PCDHA1: variants seen among roughly 807,000 people sequenced by gnomAD.
PCDHA1 encodes the protein protocadherin alpha 1.
A neutral mutation model predicts 61.3 loss-of-function variants in PCDHA1; 42 were observed. That is an observed-to-expected ratio of 0.69 (90% confidence interval 0.54 to 0.89). The LOEUF (loss-of-function observed/expected upper bound fraction) is 0.89, where lower values mean the gene tolerates loss of function less well. Ranked by LOEUF, PCDHA1 falls within the 40% of genes least tolerant of loss-of-function variation. The pLI, the probability that PCDHA1 is intolerant of heterozygous loss-of-function variation, is 0.00. For missense variants in PCDHA1, 1,256 were observed against 1,235.3 expected (o/e 1.02, Z -0.25); for synonymous variants, 610 against 553.8 (o/e 1.10, Z -1.43).
chr5:140,928,226 T>G, intron 1 of PCDHA1: 1 of 1,614,178 alleles, frequency 6.2e-7, no homozygotes, highest in African/African-American at 1.3e-5. Context: ...ACACCAAACT[T>G]TCCTCAACCC....
At chr5:140,836,325 C>G in intron 1 of PCDHA1, 18 of 1,613,750 alleles carry the variant, frequency 1.1e-5, no homozygotes, top group Non-Finnish European at 1.4e-5. Context: ...CCACCGCCTT[C>G]TGGTGCTTGT....
At chr5:140,927,399 TC>T (rs781939330) in intron 1 of PCDHA1, 1 of 1,614,076 alleles carries the variant, frequency 6.2e-7, no homozygotes. Context: ...GTCAGCACTT[TC>T]GCCTGGACAT....
At chr5:140,800,313 G>A (rs1554121108) in intron 1 of PCDHA1, among the ~76,000 whole-genome samples, 1 of 152,092 alleles carries the variant, frequency 6.6e-6, no homozygotes, top group African/African-American at 2.4e-5. Context: ...CTTTATGTAA[G>A]TTACAGTCAA....
chr5:140,854,113 G>A (rs2042980116), intron 1 of PCDHA1: 1 of 316,648 alleles, frequency 3.2e-6, no homozygotes, highest in African/African-American at 2.4e-5. Flanking sequence ...AGTGAACTGT[G>A]ATGGCACAAC....
chr5:140,850,556 G>A (rs1554144496), intron 1 of PCDHA1: 1 of 1,598,290 alleles, frequency 6.3e-7, no homozygotes. Flanking sequence ...TGGGTGCCAC[G>A]GGCCCCGAGG....
At chr5:140,981,457 C>T (rs910127197) in intron 2 of PCDHA1, among the ~76,000 whole-genome samples, 6 of 152,064 alleles carry the variant, frequency 3.9e-5, no homozygotes, top group African/African-American at 7.2e-5. Context: ...GCCTGTAGTC[C>T]CAGCTACTTG....
chr5:140,971,295 G>C (rs2096467939), intron 1 of PCDHA1, among the ~76,000 whole-genome samples: 2 of 152,232 alleles, frequency 1.3e-5, no homozygotes, highest in South Asian at 4.1e-4. Flanking sequence ...TATGTACTTT[G>C]GTACACAAAC....
chr5:140,851,444 A>G (rs1182271875), intron 1 of PCDHA1: 1 of 917,790 alleles, frequency 1.1e-6, no homozygotes, highest in Non-Finnish European at 1.3e-6. Context: ...CAGTTGCTCC[A>G]CTTTAGGAAT....
chr5:140,849,028 T>G lies in PCDHA1; in HGVS notation c.2394+60344T>G, dbSNP rs2040749628. 5.1e-6 allele frequency: 8 copies of G among 1,583,910 alleles called. No homozygotes were observed. The highest frequency in any genetic ancestry group is 1.4e-5 in the African/African-American group (1 of 70,832). Reference sequence around the variant, plus strand: ...TACAGACTGAGCCCCAATGAGTATTTCTTCCTGGACGTGCCAACCAGCAAC... The same window carrying G: ...TACAGACTGAGCCCCAATGAGTATTGCTTCCTGGACGTGCCAACCAGCAAC... On this transcript the variant is annotated intron_variant, in intron 1 of 3. Transcript: ENST00000504120.
intron 1 of PCDHA1, among the ~76,000 whole-genome samples, chr5:140,894,001 G>A (rs2064275871): frequency 6.6e-6 from 1 of 152,098 alleles, no homozygotes; most frequent in African/African-American, 2.4e-5. Context: ...CAATTGTATG[G>A]TTGGTTCAAA....
chr5:140,822,433 G>A (rs1489857640), intron 1 of PCDHA1: 3 of 1,613,932 alleles, frequency 1.9e-6, no homozygotes, highest in Admixed American at 1.7e-5. Flanking sequence ...AGGAAAACCC[G>A]AACTAACAGG....
At chr5:140,850,679 C>A in intron 1 of PCDHA1, 1 of 1,598,496 alleles carries the variant, frequency 6.3e-7, no homozygotes, top group Non-Finnish European at 8.6e-7. Flanking sequence ...CGATGCCCAC[C>A]GAGGGCGAGT....
intron 1 of PCDHA1, chr5:140,863,197 C>A: frequency 1.1e-6 from 1 of 888,970 alleles, no homozygotes; most frequent in Non-Finnish European, 1.8e-6. Flanking sequence ...GGTGGCGTCG[C>A]TGGCGGAGAG....
chr5:140,821,944 G>A, intron 1 of PCDHA1: 2 of 1,614,180 alleles, frequency 1.2e-6, no homozygotes, highest in South Asian at 1.1e-5. Flanking sequence ...GGAGCTGGCG[G>A]AGCTGGTGCC....
chr5:140,889,232 C>T (rs1365146997), intron 1 of PCDHA1, among the ~76,000 whole-genome samples: 6 of 151,736 alleles, frequency 4.0e-5, no homozygotes, highest in African/African-American at 1.4e-4. Context: ...TTGAAAACTT[C>T]CAGAAAATTT....
At chr5:140,929,592 C>A in intron 1 of PCDHA1, 1 of 424,552 alleles carries the variant, frequency 2.4e-6, no homozygotes, top group Non-Finnish European at 4.2e-6. Flanking sequence ...ACATAAAGGT[C>A]TAAAATTAAA....
At chr5:140,823,756 A>G (rs1767861946) in intron 1 of PCDHA1, 1 of 1,613,820 alleles carries the variant, frequency 6.2e-7, no homozygotes, top group Non-Finnish European at 8.5e-7. Flanking sequence ...GCTGACAGCC[A>G]CAGCCACAGT....
chr5:140,888,210 T>G (rs1395913579), intron 1 of PCDHA1, among the ~76,000 whole-genome samples: 1 of 152,080 alleles, frequency 6.6e-6, no homozygotes, highest in East Asian at 1.9e-4. Context: ...ATGCTGGATT[T>G]TGTGTGTGTG....
intron 1 of PCDHA1, among the ~76,000 whole-genome samples, chr5:140,964,705 C>T (rs1361202248): frequency 2.6e-5 from 4 of 151,550 alleles, no homozygotes; most frequent in Non-Finnish European, 4.4e-5. Flanking sequence ...TTAAGGCCTC[C>T]GAGATCAAAT....
Sources: gnomAD v4.1 joint callset for allele counts (sites outside exome capture counted in the v4.1 genomes callset) on GRCh38, gnomAD v4.1.1 for gene constraint, MANE v1.5 for transcripts, NCBI Gene and HGNC (gene_info 2026-07-23, HGNC 2026-07-21) for gene names.